Variants in ASIC2 observed in about 807,000 individuals in gnomAD.
ASIC2 encodes the protein acid-sensing ion channel 2.
In ASIC2, 25 loss-of-function variants were observed where a neutral mutation model predicts 57.3. The observed-to-expected ratio is 0.44, with a 90% CI of 0.32 to 0.61. ASIC2 has a LOEUF of 0.61. Among genes scored for constraint, ASIC2 ranks in the 20% least tolerant of loss-of-function variants. ASIC2 has a pLI of 0.06. For missense variants in ASIC2, 641 were observed against 738.1 expected, an observed-to-expected ratio of 0.87 and a Z score of 1.52; for synonymous variants, 319 against 307.5, an observed-to-expected ratio of 1.04 and a Z score of -0.39.
intron 1 of ASIC2, among the ~76,000 whole-genome samples, chr17:34,116,934 G>A (rs563051762): frequency 1.3e-5 from 2 of 152,242 alleles, no homozygotes; most frequent in Non-Finnish European, 2.9e-5. Context: ...ACCAGCCATT[G>A]GTTCAATGTG....
intron 1 of ASIC2, among the ~76,000 whole-genome samples, chr17:33,125,775 G>T (rs1017727308): frequency 1.1e-4 from 16 of 152,144 alleles, no homozygotes; most frequent in African/African-American, 3.9e-4. Context: ...TGTTCTTGTC[G>T]AGCTGTGGGC....
At chr17:34,152,886 G>A (rs1446485258) in intron 1 of ASIC2, among the ~76,000 whole-genome samples, 1 of 152,080 alleles carries the variant, frequency 6.6e-6, no homozygotes, top group Non-Finnish European at 1.5e-5. Flanking sequence ...TCCCTAAGTA[G>A]ACAATCTGGA....
intron 1 of ASIC2, among the ~76,000 whole-genome samples, chr17:34,051,993 T>C (rs888238227): frequency 9.2e-5 from 14 of 152,176 alleles, no homozygotes; most frequent in African/African-American, 3.4e-4. Context: ...GAATATATTT[T>C]GCTTAGCACT....
intron 1 of ASIC2, among the ~76,000 whole-genome samples, chr17:33,464,500 C>G (rs1047242659): frequency 7.8e-5 from 3 of 38,670 alleles, no homozygotes; most frequent in Admixed American, 6.5e-4. Context: ...TTCTTTCTTT[C>G]TTTCTTTCTT....
intron 1 of ASIC2, among the ~76,000 whole-genome samples, chr17:33,787,695 C>A (rs1449630557): frequency 2.0e-5 from 3 of 152,110 alleles, no homozygotes; most frequent in African/African-American, 7.2e-5. Flanking sequence ...AGTTTCTGCA[C>A]AGTGTTTGTG....
At chr17:33,810,127 T>C (rs1912377734) in intron 1 of ASIC2, among the ~76,000 whole-genome samples, 1 of 152,220 alleles carries the variant, frequency 6.6e-6, no homozygotes, top group Non-Finnish European at 1.5e-5. Flanking sequence ...ATCCAGGTTG[T>C]GAAATATTGT....
chr17:33,346,178 G>C lies in ASIC2; in HGVS notation c.556-234111C>G, dbSNP rs1432083695. On this transcript the variant is annotated intron_variant, in intron 1 of 9. Coordinates refer to the ASIC2 transcript ENST00000359872. ...GGAGGCGGAGGTTGCAATGAACCGA[G>C]ATTGTGCCACTGCACTCCAGCCTGG... Among the ~76,000 whole-genome samples, 10 of 130,286 alleles carry C rather than the reference G, an allele frequency of 7.7e-5. No homozygotes were observed. The South Asian group carries it at 2.6e-3, about 34-fold the overall frequency. 85.5% of individuals were successfully genotyped at this position (130,286 alleles called of 152,430 possible).
At chr17:33,896,279 C>T (rs1042853996) in intron 1 of ASIC2, among the ~76,000 whole-genome samples, 5 of 152,238 alleles carry the variant, frequency 3.3e-5, no homozygotes, top group African/African-American at 1.2e-4. Flanking sequence ...CCAAGGATGG[C>T]ATCTTGCAAG....
rs372556722 is a variant in ASIC2 at position 33,939,971 on chromosome 17, G to C, written c.555+216007C>G. The stretch of plus-strand genomic sequence containing the variant: ...CGGTCATCTCATCAAGGTGACTCCT[G>C]AGAATTTGGATGTGAATAATGGCAG... On this transcript the variant is annotated intron_variant, in intron 1 of 9. Coordinates refer to the ASIC2 transcript ENST00000359872. 1.4e-4 allele frequency among the ~76,000 whole-genome samples: 21 copies of C among 152,274 alleles called. No homozygotes were observed. In the East Asian group the frequency reaches 2.9e-3, roughly 21 times the overall value.
In ASIC2 at chr17:33,561,152, C is replaced by T. The variant is rs533836577; in HGVS notation, c.556-449085G>A. On this transcript the variant is annotated intron_variant, in intron 1 of 9. Transcript: ENST00000359872. ...CAGAAATGAGAATGTTAGGCCCACT[C>T]ATTACTGGTAAGAATTCTTTCCACT... Among the ~76,000 whole-genome samples the T allele has an allele frequency of 9.1e-4, 138 of 152,288 alleles. 1 individual carries two copies. The highest frequency in any genetic ancestry group is 1.4e-3 in the Admixed American group (22 of 15,294).
At chr17:33,197,368 C>A (rs960375986) in intron 1 of ASIC2, among the ~76,000 whole-genome samples, 1 of 152,154 alleles carries the variant, frequency 6.6e-6, no homozygotes, top group Non-Finnish European at 1.5e-5. Context: ...TAAGAGGGGC[C>A]CTGCTCTGGG....
intron 1 of ASIC2, among the ~76,000 whole-genome samples, chr17:33,260,452 A>T (rs1000044145): frequency 5.9e-5 from 9 of 152,220 alleles, no homozygotes; most frequent in African/African-American, 2.2e-4. Context: ...CAAAGGTCAG[A>T]CAGAATCATC....
intron 1 of ASIC2, among the ~76,000 whole-genome samples, chr17:33,392,297 G>A (rs189249265): frequency 7.1e-6 from 1 of 141,542 alleles, no homozygotes; most frequent in Non-Finnish European, 1.5e-5. Flanking sequence ...GTCTTGCTCT[G>A]TTACCCAGGC....
chr17:33,249,421 G>A (rs1462761567), intron 1 of ASIC2, among the ~76,000 whole-genome samples: 1 of 152,174 alleles, frequency 6.6e-6, no homozygotes, highest in Non-Finnish European at 1.5e-5. Context: ...CCATGGGACT[G>A]GAGGAGATGA....
At chr17:33,865,767 A>C (rs1416059388) in intron 1 of ASIC2, among the ~76,000 whole-genome samples, 4 of 80,072 alleles carry the variant, frequency 5.0e-5, no homozygotes, top group African/African-American at 2.0e-4. Flanking sequence ...AATAAAAAAA[A>C]AAAACAAAAA....
At chr17:33,763,132 A>G (rs1910836127) in intron 1 of ASIC2, among the ~76,000 whole-genome samples, 2 of 152,208 alleles carry the variant, frequency 1.3e-5, no homozygotes, top group Admixed American at 1.3e-4. Context: ...CCCCAGCTTC[A>G]GTGAACCATG....
chr17:33,732,564 T>G (rs1909778196), intron 1 of ASIC2, among the ~76,000 whole-genome samples: 1 of 150,676 alleles, frequency 6.6e-6, no homozygotes, highest in South Asian at 2.1e-4. Flanking sequence ...TGTGGTGCGA[T>G]CCTGGCTAAC....
At chr17:33,891,734 C>T (rs1383974958) in intron 1 of ASIC2, among the ~76,000 whole-genome samples, 1 of 152,142 alleles carries the variant, frequency 6.6e-6, no homozygotes, top group East Asian at 1.9e-4. Context: ...AATCCTACTG[C>T]TGGCTTCGTG....
At chr17:33,494,315 AATAGGT>A (rs1236323016) in intron 1 of ASIC2, among the ~76,000 whole-genome samples, 1 of 152,150 alleles carries the variant, frequency 6.6e-6, no homozygotes, top group Non-Finnish European at 1.5e-5. Flanking sequence ...AGGGCCTGTT[AATAGGT>A]GACTCCTCCA....
Sources: allele counts gnomAD v4.1 joint callset (sites outside exome capture counted in the v4.1 genomes callset), GRCh38; gene constraint gnomAD v4.1.1; transcripts MANE v1.5; gene names NCBI Gene and HGNC (gene_info 2026-07-23, HGNC 2026-07-21).